NRXN1: variants seen among roughly 807,000 people sequenced by gnomAD.
NRXN1 encodes the protein neurexin-1.
Under a neutral mutation model 150.9 loss-of-function variants are expected in NRXN1, and 39 were observed. The ratio of observed to expected loss-of-function variants is 0.26; its 90% CI spans 0.20 to 0.34. The LOEUF (loss-of-function observed/expected upper bound fraction) is 0.34, where lower values mean the gene tolerates loss of function less well. Among genes scored for constraint, NRXN1 ranks in the 10% least tolerant of loss-of-function variants. The pLI, the probability that NRXN1 is intolerant of heterozygous loss-of-function variation, is 1.00. For missense variants in NRXN1, 1,815 were observed against 1,949.9 expected (o/e 0.93, Z 1.30); for synonymous variants, 924 against 757.0 (o/e 1.22, Z -3.62).
intron 5 of NRXN1, among the ~76,000 whole-genome samples, chr2:50,776,286 C>T (rs918623725): frequency 2.0e-5 from 3 of 151,978 alleles, no homozygotes; most frequent in Admixed American, 6.6e-5. Context: ...TTTCAAATAA[C>T]ATATTTTCTG....
chr2:50,047,359 T>A (rs773044128), intron 21 of NRXN1, among the ~76,000 whole-genome samples: 4 of 152,008 alleles, frequency 2.6e-5, no homozygotes, highest in Admixed American at 6.6e-5. Flanking sequence ...CATATATATA[T>A]GTTCTGCAGG....
chr2:50,221,693 T>C (rs545654951), intron 18 of NRXN1, among the ~76,000 whole-genome samples: 2 of 152,148 alleles, frequency 1.3e-5, no homozygotes, highest in East Asian at 1.9e-4. Flanking sequence ...CATGTAGAAT[T>C]TGAAAAACTC....
chr2:50,154,564 A>C (rs552719001), intron 18 of NRXN1, among the ~76,000 whole-genome samples: 1 of 151,828 alleles, frequency 6.6e-6, no homozygotes, highest in East Asian at 1.9e-4. Flanking sequence ...ATCAGAGGTC[A>C]ACTGTGAGTG....
intron 2 of NRXN1, among the ~76,000 whole-genome samples, chr2:51,000,213 G>A (rs960733163): frequency 6.6e-6 from 1 of 151,952 alleles, no homozygotes; most frequent in African/African-American, 2.4e-5. Context: ...TCAAATGTCA[G>A]CTTCTCAGAA....
chr2:50,627,397 G>A (rs1411966417), intron 5 of NRXN1, among the ~76,000 whole-genome samples: 5 of 131,730 alleles, frequency 3.8e-5, no homozygotes, highest in Non-Finnish European at 8.4e-5. Flanking sequence ...GTGTGTGTGC[G>A]CATACTAATA....
chr2:50,512,239 T>C (rs2105050581), intron 12 of NRXN1, among the ~76,000 whole-genome samples: 1 of 152,316 alleles, frequency 6.6e-6, no homozygotes, highest in African/African-American at 2.4e-5. Flanking sequence ...TTTCATCACT[T>C]TTGTTTTGGC....
chr2:50,921,282 G>A (rs534450543), intron 5 of NRXN1, among the ~76,000 whole-genome samples: 1 of 151,812 alleles, frequency 6.6e-6, no homozygotes, highest in South Asian at 2.1e-4. Flanking sequence ...CAAGCAATGC[G>A]GGAATGCATA....
intron 15 of NRXN1, among the ~76,000 whole-genome samples, chr2:50,483,350 A>C (rs2104803213): frequency 6.6e-6 from 1 of 152,234 alleles, no homozygotes; most frequent in Middle Eastern, 3.4e-3. Flanking sequence ...AAAAACTATA[A>C]GTATACTCAG....
At chr2:50,310,641 T>C (rs1173233243) in intron 17 of NRXN1, among the ~76,000 whole-genome samples, 1 of 152,184 alleles carries the variant, frequency 6.6e-6, no homozygotes, top group Non-Finnish European at 1.5e-5. Context: ...CAAATATTAA[T>C]CAATCTGATA....
chr2:50,922,673 T>A lies in NRXN1; in HGVS notation c.805A>T (p.Met269Leu), dbSNP rs776779952. ...DNNVEGLAHL[M>L]MGDQGKSKGK... ...GAGCCCATACCTTGGTCGCCCATCA[T>A]CAGGTGCGCCAGACCTTGAAGGGAA... is the stretch of plus-strand genomic sequence containing the variant. Residue 269 changes from methionine (M) to leucine (L), a missense_variant, in exon 4 of 23, where the codon ATG becomes TTG. Physicochemically the swap from Met to Leu is conservative, Grantham distance 15. Coordinates refer to ENST00000401669, the MANE Select transcript of NRXN1 (RefSeq NM_001330078.2). The A allele has an allele frequency of 6.2e-6, 10 of 1,610,360 alleles. No individual in the cohort carries two copies. The African/African-American group carries it at 1.2e-4, about 19-fold the overall frequency.
rs574889166 is a variant in NRXN1, at chr2:50,002,054, C to T, written c.4128+51217G>A. Among the ~76,000 whole-genome samples, 5 of 152,050 alleles carry T rather than the reference C, an allele frequency of 3.3e-5. No homozygotes were observed. The East Asian group carries it at 9.8e-4, about 30-fold the overall frequency. On this transcript the variant is annotated intron_variant, in intron 21 of 22. Transcript: ENST00000401669. ...GAAAGAATTAAGTTTTATCAACAAC[C>T]ATGCAAGCTTGCAAGAGGGCCCTGA...
At chr2:50,742,249 A>C (rs2105278192) in intron 5 of NRXN1, among the ~76,000 whole-genome samples, 1 of 151,142 alleles carries the variant, frequency 6.6e-6, no homozygotes, top group African/African-American at 2.4e-5. Context: ...CATATATATA[A>C]ATGCAATATT....
At chr2:50,743,004 T>C (rs1044359435) in intron 5 of NRXN1, among the ~76,000 whole-genome samples, 1 of 152,166 alleles carries the variant, frequency 6.6e-6, no homozygotes, top group Non-Finnish European at 1.5e-5. Flanking sequence ...GTAGCACATG[T>C]GAAAATTGTA....
At chr2:50,458,656 T>C (rs567528289) in intron 17 of NRXN1, among the ~76,000 whole-genome samples, 39 of 151,968 alleles carry the variant, frequency 2.6e-4, no homozygotes, top group Non-Finnish European at 4.7e-4. Flanking sequence ...CTTGGCTCAC[T>C]GCAACCTCCT....
At chr2:50,464,052 A>T (rs2088541566) in intron 17 of NRXN1, 1 of 149,716 alleles carries the variant, frequency 6.7e-6, no homozygotes, top group Non-Finnish European at 1.5e-5. Flanking sequence ...TGAAAAGCAC[A>T]TGTAAGGCTG....
At chr2:49,981,200 G>C (rs973489761) in intron 21 of NRXN1, among the ~76,000 whole-genome samples, 1 of 151,994 alleles carries the variant, frequency 6.6e-6, no homozygotes, top group African/African-American at 2.4e-5. Flanking sequence ...TATTCACTTT[G>C]ATCCAACCTC....
chr2:50,835,514 T>G (rs528973555), intron 5 of NRXN1, among the ~76,000 whole-genome samples: 46 of 152,282 alleles, frequency 3.0e-4, no homozygotes, highest in Middle Eastern at 6.8e-3. Flanking sequence ...AGATTAATCT[T>G]AGCCTCTGAG....
chr2:50,379,737 T>C (rs2080812784), intron 17 of NRXN1, among the ~76,000 whole-genome samples: 1 of 152,138 alleles, frequency 6.6e-6, no homozygotes, highest in Non-Finnish European at 1.5e-5. Context: ...GGAGGAAATC[T>C]CCACAAACAG....
intron 5 of NRXN1, among the ~76,000 whole-genome samples, chr2:50,905,172 C>G (rs1683497379): frequency 6.6e-6 from 1 of 152,096 alleles, no homozygotes; most frequent in South Asian, 2.1e-4. Context: ...TATTCACCTT[C>G]CTCTAATGAT....
Sources: gnomAD v4.1 joint callset for allele counts (sites outside exome capture counted in the v4.1 genomes callset) on GRCh38, gnomAD v4.1.1 for gene constraint, MANE v1.5 for transcripts, NCBI Gene and HGNC (gene_info 2026-07-23, HGNC 2026-07-21) for gene names.